Variants in CNOT2 observed in about 807,000 individuals in gnomAD.
CNOT2 encodes the protein CC chemokine receptor 4-negative regulator of transcription 2.
CNOT2 carries 7 observed loss-of-function variants against 72.1 expected under a neutral mutation model. That is an observed-to-expected ratio of 0.10 (90% CI 0.06 to 0.18). CNOT2 has a LOEUF of 0.18. CNOT2 is among the 10% of genes least tolerant of loss of function. The pLI is 1.00. For synonymous variants in CNOT2, 196 were observed against 225.6 expected, an observed-to-expected ratio of 0.87 and a Z score of 1.17; for missense variants, 345 against 660.3, an observed-to-expected ratio of 0.52 and a Z score of 5.23.
In CNOT2 at chr12:70,261,305, C is replaced by CTTTTTTTT. The variant is rs71437141; in HGVS notation, c.-95-16807_-95-16800dup. 5.4e-3 allele frequency among the ~76,000 whole-genome samples: 235 copies of CTTTTTTTT among 43,362 alleles called. 19 individuals are homozygous for CTTTTTTTT. Among genetic ancestry groups the CTTTTTTTT allele is most frequent in the East Asian group, 6.6e-3 (5 of 760 alleles). The allele number at this position is 43,362 out of a possible 152,430, so 28.4% of individuals were successfully genotyped here. A position where few individuals can be genotyped will look rare whatever the true frequency, so the allele number is the denominator to read the frequency against. On this transcript the variant is annotated intron_variant, in intron 1 of 15. Coordinates refer to ENST00000229195, the MANE Select transcript of CNOT2 (RefSeq NM_014515.7). ...ATCTTTGTGCCTATTTTCTTTCTTTCTTTTTTTTTTTTTTTTTTTTTTTTT... is the reference window on the plus strand; with the variant it reads ...ATCTTTGTGCCTATTTTCTTTCTTTCTTTTTTTTTTTTTTTTTTTTTTTTTTTTTTTTT...
intron 2 of CNOT2, among the ~76,000 whole-genome samples, chr12:70,280,417 C>T (rs1565761012): frequency 1.3e-5 from 2 of 152,074 alleles, no homozygotes. Context: ...GAACTTAAAT[C>T]TTCCGAATTG....
At chr12:70,330,744 T>C (rs1879808205) in intron 6 of CNOT2, 2 of 312,110 alleles carry the variant, frequency 6.4e-6, no homozygotes, top group African/African-American at 4.3e-5. Flanking sequence ...GGTTGATATG[T>C]CCTCTCTTTA....
At chr12:70,351,615 G>A (rs965703085) in intron 15 of CNOT2, among the ~76,000 whole-genome samples, 1 of 152,068 alleles carries the variant, frequency 6.6e-6, no homozygotes, top group Admixed American at 6.6e-5. Context: ...TGAATTCCTA[G>A]TCATACATTG....
chr12:70,281,081 TC>T (rs1235240760), intron 2 of CNOT2, among the ~76,000 whole-genome samples: 1 of 147,582 alleles, frequency 6.8e-6, no homozygotes, highest in East Asian at 2.0e-4. Flanking sequence ...TCAATGGCTT[TC>T]CCTTTTTTTT....
chr12:70,283,930 ATTT>A (rs776119049), intron 2 of CNOT2, among the ~76,000 whole-genome samples: 2 of 117,452 alleles, frequency 1.7e-5, no homozygotes, highest in Middle Eastern at 4.9e-3. Flanking sequence ...CATGATGTAA[ATTT>A]TTTTTTTTTT....
chr12:70,308,607 C>CAG (rs1290153209), intron 2 of CNOT2, among the ~76,000 whole-genome samples: 1 of 151,422 alleles, frequency 6.6e-6, no homozygotes, highest in African/African-American at 2.4e-5. Context: ...CACACACACA[C>CAG]AGTGACTCTT....
At chr12:70,268,699 A>AT (rs1337572068) in intron 1 of CNOT2, among the ~76,000 whole-genome samples, 10 of 151,492 alleles carry the variant, frequency 6.6e-5, no homozygotes, top group East Asian at 1.9e-4. Flanking sequence ...GGCTCAAGTG[A>AT]TTTTTCCTAC....
In CNOT2 at chr12:70,354,919, A is replaced by G. The variant is rs1883277513; in HGVS notation, c.*1004A>G. On this transcript the variant is annotated 3_prime_UTR_variant, in exon 16 of 16. Coordinates refer to ENST00000229195, the MANE Select transcript of CNOT2 (RefSeq NM_014515.7). ...ACAGCAGCGTTTCATAGGAAGAGAA[A>G]AAAAGATCAATCTTGTATTTTCTGA... is the stretch of plus-strand genomic sequence containing the variant. 1 of 152,670 alleles carries G rather than the reference A, an allele frequency of 6.6e-6. No homozygotes were observed. Among genetic ancestry groups the G allele is most frequent in the Non-Finnish European group, 1.5e-5 (1 of 68,040 alleles). 9.5% of individuals were successfully genotyped at this position (152,670 alleles called of 1,614,324 possible). A position where few individuals can be genotyped will look rare whatever the true frequency, so the allele number is the denominator to read the frequency against.
chr12:70,345,116 G>A (rs1223308495), intron 14 of CNOT2: 1 of 152,066 alleles, frequency 6.6e-6, no homozygotes, highest in Non-Finnish European at 1.5e-5. Flanking sequence ...TGTACAGTTG[G>A]CAACACATTT....
rs35192504 is a variant in CNOT2 at position 70,353,913 on chromosome 12, TAA to T, written c.*22_*23del. The T allele has an allele frequency of 0.052, 63,311 of 1,218,228 alleles. No individual in the cohort carries two copies. The highest frequency in any genetic ancestry group is 0.14 in the East Asian group (4,313 of 30,828). The allele number at this position is 1,218,228 out of a possible 1,614,324, so 75.5% of individuals were successfully genotyped here. On this transcript the variant is annotated frameshift_variant and stop_lost, in exon 16 of 16. Transcript: ENST00000229195. LOFTEE classifies it high-confidence loss of function. ...CTACAACCCTGCTCAGCAAGCCTTCTAAAAAAAAAAAAAAAAAAAAAAAAAGA... is the reference window on the plus strand; with the variant it reads ...CTACAACCCTGCTCAGCAAGCCTTCTAAAAAAAAAAAAAAAAAAAAAAAGA... ...FNYNPAQQAF* is the reference protein window; with the variant it reads ...FNYNPAQQAFX
chr12:70,301,905 T>C (rs543813680), intron 2 of CNOT2: 3 of 152,340 alleles, frequency 2.0e-5, no homozygotes, highest in Non-Finnish European at 2.9e-5. Context: ...GAGCCTGTTA[T>C]TGGTCTATTC....
intron 12 of CNOT2, 36 bp downstream of exon 12, chr12:70,342,204 A>G: frequency 6.2e-7 from 1 of 1,612,978 alleles, no homozygotes. Flanking sequence ...CCTTTTAAAA[A>G]GAAATTTACA....
chr12:70,308,593 C>T (rs1875899671), intron 2 of CNOT2, among the ~76,000 whole-genome samples: 1 of 151,764 alleles, frequency 6.6e-6, no homozygotes, highest in Non-Finnish European at 1.5e-5. Flanking sequence ...CTCACACACA[C>T]ACACACACAC....
chr12:70,322,525 T>G (rs1009585522), intron 4 of CNOT2: 4 of 151,796 alleles, frequency 2.6e-5, no homozygotes, highest in Non-Finnish European at 5.9e-5. Flanking sequence ...TGTGTGCATA[T>G]TATCTTATAG....
chr12:70,304,419 C>T (rs1874803119), intron 2 of CNOT2, among the ~76,000 whole-genome samples: 1 of 152,224 alleles, frequency 6.6e-6, no homozygotes. Context: ...TTCCTTCTAA[C>T]AGCCAGGACC....
At chr12:70,287,581 C>A (rs1455034220) in intron 2 of CNOT2, among the ~76,000 whole-genome samples, 1 of 149,824 alleles carries the variant, frequency 6.7e-6, no homozygotes, top group Non-Finnish European at 1.5e-5. Flanking sequence ...ACCAAATTGG[C>A]AGGTGTATTG....
chr12:70,286,509 C>A (rs781411542), intron 2 of CNOT2, among the ~76,000 whole-genome samples: 1 of 149,974 alleles, frequency 6.7e-6, no homozygotes, highest in African/African-American at 2.4e-5. Context: ...TTTATTCTAA[C>A]CTCCTTAACT....
At chr12:70,313,050 A>G (rs1161488636) in intron 3 of CNOT2, among the ~76,000 whole-genome samples, 1 of 152,020 alleles carries the variant, frequency 6.6e-6, no homozygotes, top group Non-Finnish European at 1.5e-5. Context: ...ACCACTCTCC[A>G]TGCCAACAAG....
chr12:70,270,212 T>G (rs1165811009), intron 1 of CNOT2, among the ~76,000 whole-genome samples: 1 of 152,172 alleles, frequency 6.6e-6, no homozygotes, highest in South Asian at 2.1e-4. Context: ...TTTGTTTACT[T>G]TAGTATTTCT....
Sources: allele counts gnomAD v4.1 joint callset (sites outside exome capture counted in the v4.1 genomes callset), GRCh38; gene constraint gnomAD v4.1.1; transcripts MANE v1.5; gene names NCBI Gene and HGNC (gene_info 2026-07-23, HGNC 2026-07-21).